Variants in ZBP1 observed in about 807,000 individuals in gnomAD.
The protein encoded by ZBP1 is Z-DNA-binding protein 1.
In ZBP1, 42 loss-of-function variants were observed where a neutral mutation model predicts 41.1. The ratio of observed to expected loss-of-function variants is 1.02; its 90% CI spans 0.80 to 1.32. ZBP1 has a LOEUF of 1.32. Ranked by LOEUF, ZBP1 falls within the 40% of genes most tolerant of loss-of-function variation. The probability of loss-of-function intolerance (pLI) is 0.00; values close to 1 mark genes in which losing one functional copy is unlikely to be tolerated. For synonymous variants in ZBP1, 214 were observed against 205.2 expected (o/e 1.04, Z -0.37); for missense variants, 562 against 549.7 (o/e 1.02, Z -0.22).
intron 1 of ZBP1, among the ~76,000 whole-genome samples, chr20:57,619,741 C>T (rs2070948766): frequency 6.6e-6 from 1 of 152,140 alleles, no homozygotes; most frequent in Non-Finnish European, 1.5e-5. Flanking sequence ...TGGCACTTGT[C>T]CCTGCAGGCC....
rs766674699 is a variant in ZBP1 at position 57,604,602 on chromosome 20, CGT to C, written c.1259_1260del (p.His420ArgfsTer77). On this transcript the variant is annotated frameshift_variant, in exon 8 of 8. Transcript: ENST00000371173. LOFTEE classifies it low-confidence loss of function (END_TRUNC). ...EGSHYVDEAS[H>X]EGSWWGGGI ...ATCCCACCTCCCCACCAGCTCCCCT[CGT>C]GTGAGGCTTCATCCACATAGTGGCT... The C allele has an allele frequency of 6.2e-7, 1 of 1,614,108 alleles. No individual in the cohort carries two copies. The highest frequency in any genetic ancestry group is 8.5e-7 in the Non-Finnish European group (1 of 1,179,958).
intron 2 of ZBP1, 197 bp from the exon 3 acceptor site, chr20:57,615,777 G>C (rs117918910): frequency 2.7e-5 from 15 of 557,474 alleles, no homozygotes; most frequent in Non-Finnish European, 4.0e-5. Flanking sequence ...TAACTTCTCC[G>C]GGGCTCAGCC....
intron 7 of ZBP1, among the ~76,000 whole-genome samples, 164 bp from the exon 8 acceptor site, chr20:57,604,933 A>G (rs2070458681): frequency 6.6e-6 from 1 of 151,974 alleles, no homozygotes; most frequent in Non-Finnish European, 1.5e-5. Flanking sequence ...TTCACTTTGC[A>G]CTGGGCCCCC....
chr20:57,610,466 C>T lies in ZBP1; in HGVS notation c.875-99G>A, dbSNP rs1054196797. The T allele has an allele frequency of 8.5e-6, 11 of 1,292,128 alleles. No individual in the cohort carries two copies. Among genetic ancestry groups the T allele is most frequent in the Middle Eastern group, 2.6e-4 (1 of 3,916 alleles). The allele number at this position is 1,292,128 out of a possible 1,614,324, so 80.0% of individuals were successfully genotyped here. A position where few individuals can be genotyped will look rare whatever the true frequency, so the allele number is the denominator to read the frequency against. ...GGTTCACCCTCCTCCCCAGATCTCCCACCAGTGGCCCACACCATCCCAGGA... is the reference window on the plus strand; with the variant it reads ...GGTTCACCCTCCTCCCCAGATCTCCTACCAGTGGCCCACACCATCCCAGGA... On this transcript the variant is annotated intron_variant, in intron 6 of 7. Transcript: ENST00000371173. This position sits in a 1 kb window ranked among gnomAD's most constrained non-coding sequence, Gnocchi z 5.5.
At position 57,604,537 on chromosome 20, in the gene ZBP1, C is replaced by T. The variant is rs371194163; in HGVS notation, c.*36G>A. On this transcript the variant is annotated 3_prime_UTR_variant, in exon 8 of 8. Transcript: ENST00000371173. ...CTAGTCTCCCTAGCATGCGCCCACC[C>T]CCAGCCTGTGTCCAAGCCCCACGTG... 1.1e-5 allele frequency: 17 copies of T among 1,606,792 alleles called. No individual in the cohort carries two copies. Among genetic ancestry groups the T allele is most frequent in the Non-Finnish European group, 1.4e-5 (16 of 1,175,360 alleles).
chr20:57,613,265 A>T lies in ZBP1; in HGVS notation c.568T>A (p.Cys190Ser). 1 of 1,614,278 alleles carries T rather than the reference A, an allele frequency of 6.2e-7. No homozygotes were observed. Among genetic ancestry groups the T allele is most frequent in the Non-Finnish European group, 8.5e-7 (1 of 1,180,058 alleles). Residue 190 changes from cysteine (C) to serine (S), a missense_variant, in exon 5 of 8, where the codon TGC becomes AGC. Cys to Ser is a moderately radical substitution (Grantham distance 112). Transcript: ENST00000371173. The surrounding 1 kb of genome is among the most constrained non-coding windows in gnomAD (Gnocchi z 4.5). ...IYQHNPINMI[C>S]QNGPNSWISI... ...ATCCAGCTGTTGGGTCCATTCTGGC[A>T]GATCATGTTGATTGGATTGTGCTGG...
intron 1 of ZBP1, among the ~76,000 whole-genome samples, chr20:57,619,360 A>C (rs1359593875): frequency 6.6e-6 from 1 of 152,236 alleles, no homozygotes; most frequent in Non-Finnish European, 1.5e-5. Context: ...AAATGGAGAC[A>C]GTAATAACTA....
chr20:57,611,411 A>ATTTTTTTTTTTTTTTTTTTTTTTTTTTTT (rs3068061), intron 6 of ZBP1, among the ~76,000 whole-genome samples: 2 of 95,134 alleles, frequency 2.1e-5, no homozygotes, highest in Non-Finnish European at 3.9e-5. Context: ...TGCCCGGTTA[A>ATTTTTTTTTTTTTTTTTTTTTTTTTTTTT]TTTTTTTTTT....
chr20:57,609,382 G>GC (rs1568928228), intron 7 of ZBP1, among the ~76,000 whole-genome samples: 1 of 152,152 alleles, frequency 6.6e-6, no homozygotes, highest in Non-Finnish European at 1.5e-5. Flanking sequence ...TGGCAGTGGA[G>GC]CCCCCTCCCC....
intron 3 of ZBP1, chr20:57,615,288 G>C (rs987107830): frequency 6.1e-5 from 41 of 676,732 alleles, no homozygotes; most frequent in Middle Eastern, 3.9e-4. Flanking sequence ...GCGGGTGCAT[G>C]GTGAGGGTCA....
chr20:57,609,977 C>A (rs147521943), intron 7 of ZBP1, among the ~76,000 whole-genome samples, 172 bp downstream of exon 7: 1 of 152,140 alleles, frequency 6.6e-6, no homozygotes, highest in Admixed American at 6.5e-5. Flanking sequence ...ACTAGGGGGA[C>A]GGAGCCTCCA....
intron 7 of ZBP1, among the ~76,000 whole-genome samples, chr20:57,605,096 C>A (rs922272092): frequency 1.6e-4 from 23 of 146,572 alleles, no homozygotes; most frequent in African/African-American, 5.4e-4. Flanking sequence ...CTCTGATTAG[C>A]AATTTCCTCA....
intron 7 of ZBP1, among the ~76,000 whole-genome samples, chr20:57,609,238 C>T (rs2146563561): frequency 6.6e-6 from 1 of 152,344 alleles, no homozygotes; most frequent in Admixed American, 6.5e-5. Context: ...TCCAGCTGCC[C>T]CCACCCGAGG....
chr20:57,608,702 A>G (rs2070560739), intron 7 of ZBP1, among the ~76,000 whole-genome samples: 1 of 152,196 alleles, frequency 6.6e-6, no homozygotes, highest in Admixed American at 6.5e-5. Context: ...TCACATGTGC[A>G]TGGGGCTCCC....
intron 6 of ZBP1, 111 bp downstream of exon 6, chr20:57,611,616 G>T: frequency 8.1e-7 from 1 of 1,239,120 alleles, no homozygotes; most frequent in Non-Finnish European, 1.1e-6. Context: ...CTGGTGGAAG[G>T]AAAGGAATTT....
Position 57,604,657 on chromosome 20 carries a change from T to C in ZBP1, c.1206A>G (p.Gly402=), listed in dbSNP as rs367553465. Reference sequence around the variant, plus strand: ...CTTCTGCAGCTTTGTGACTCCTGTTTCCAAGAGTCATAGTTTCCAGCTTGG... The same window carrying C: ...CTTCTGCAGCTTTGTGACTCCTGTTCCCAAGAGTCATAGTTTCCAGCTTGG... ...LTPKLETMTL[G]NRSHKAAEGS... is the part of the protein sequence containing the mutation. The change falls in exon 8 of 8, where the codon GGA becomes GGG. Residue 402 remains glycine, a synonymous_variant. Transcript: ENST00000371173. 30 of 1,614,042 alleles carry C rather than the reference T, an allele frequency of 1.9e-5. No homozygotes were observed. In the African/African-American group the frequency reaches 2.7e-4, roughly 14 times the overall value.
chr20:57,617,042 G>T (rs2070857562), intron 1 of ZBP1: 1 of 159,112 alleles, frequency 6.3e-6, no homozygotes. Context: ...GCCATTCCTG[G>T]ATTCTCTGGA....
Position 57,604,608 on chromosome 20 carries a change from AG to A in ZBP1, c.1254del (p.Ser419HisfsTer29). Reference protein sequence around the residue: ...AAEGSHYVDEASHEGSWWGGG... With the variant: ...AAEGSHYVDEXSHEGSWWGGG... ...CCTCCCCACCAGCTCCCCTCGTGTG[AG>A]GCTTCATCCACATAGTGGCTGCCTT... On this transcript the variant is annotated frameshift_variant, in exon 8 of 8. Coordinates refer to ENST00000371173, the MANE Select transcript of ZBP1 (RefSeq NM_030776.3). LOFTEE classifies it low-confidence loss of function (END_TRUNC). The A allele has an allele frequency of 6.2e-7, 1 of 1,614,128 alleles. No individual in the cohort carries two copies. Among genetic ancestry groups the A allele is most frequent in the Non-Finnish European group, 8.5e-7 (1 of 1,179,998 alleles).
rs1392881801 is a variant in ZBP1, at chr20:57,620,420, C to A, written c.-125G>T. On this transcript the variant is annotated 5_prime_UTR_variant, in exon 1 of 8. Coordinates refer to ENST00000371173, the MANE Select transcript of ZBP1 (RefSeq NM_030776.3). ...AAGTGGCCGAGCCTGGTGCTTCTTG[C>A]AGCTCTGAACCCACAAGGGGAGGGA... 1 of 1,024,652 alleles carries A rather than the reference C, an allele frequency of 9.8e-7. No homozygotes were observed. The highest frequency in any genetic ancestry group is 1.4e-6 in the Non-Finnish European group (1 of 707,942). 63.5% of individuals were successfully genotyped at this position (1,024,652 alleles called of 1,614,324 possible).
Sources: allele counts gnomAD v4.1 joint callset (sites outside exome capture counted in the v4.1 genomes callset), GRCh38; gene constraint gnomAD v4.1.1; non-coding constraint Gnocchi (gnomAD v3.1); transcripts MANE v1.5; gene names NCBI Gene and HGNC (gene_info 2026-07-23, HGNC 2026-07-21).